CLSTN2: variants seen among roughly 807,000 people sequenced by gnomAD.
The protein encoded by CLSTN2 is calsyntenin-2.
Under a neutral mutation model 101.2 loss-of-function variants are expected in CLSTN2, and 48 were observed. That is an observed-to-expected ratio of 0.47 (90% confidence interval 0.38 to 0.60). CLSTN2 has a LOEUF of 0.60. Ranked by LOEUF, CLSTN2 falls within the 20% of genes least tolerant of loss-of-function variation. The pLI, the probability that CLSTN2 is intolerant of heterozygous loss-of-function variation, is 0.00. For missense variants in CLSTN2, 1,160 were observed against 1,238.2 expected (o/e 0.94, Z 0.95); for synonymous variants, 481 against 463.6 (o/e 1.04, Z -0.48).
chr3:140,227,013 T>C (rs1156247574), intron 2 of CLSTN2, among the ~76,000 whole-genome samples: 2 of 152,100 alleles, frequency 1.3e-5, no homozygotes, highest in Non-Finnish European at 2.9e-5. Flanking sequence ...AACCAAACCA[T>C]ATTATTCTAC....
chr3:140,141,575 C>T (rs1037623756), intron 1 of CLSTN2, among the ~76,000 whole-genome samples: 2 of 152,208 alleles, frequency 1.3e-5, no homozygotes, highest in Non-Finnish European at 2.9e-5. Context: ...CTGGCCAGTA[C>T]AGGGAACAGC....
rs112929053 is a variant in CLSTN2 at position 139,985,215 on chromosome 3, T to C, written c.109+49732T>C. ...CACATTCCTGCTTAAAACCTTCCAA[T>C]GGCTGCACATTGTCCTCTATCTGAA... On this transcript the variant is annotated intron_variant, in intron 1 of 16. Coordinates refer to ENST00000458420, the MANE Select transcript of CLSTN2 (RefSeq NM_022131.3). 7.1e-3 allele frequency among the ~76,000 whole-genome samples: 1,085 copies of C among 152,296 alleles called. 20 individuals carry two copies. Among genetic ancestry groups the C allele is most frequent in the African/African-American group, 0.025 (1,057 of 41,570 alleles).
chr3:140,272,077 G>A (rs1559825196), intron 2 of CLSTN2, among the ~76,000 whole-genome samples: 1 of 152,192 alleles, frequency 6.6e-6, no homozygotes, highest in South Asian at 2.1e-4. Flanking sequence ...TGGAATTGGT[G>A]TGTGTGTGTC....
chr3:139,976,149 T>G (rs1935813298), intron 1 of CLSTN2, among the ~76,000 whole-genome samples: 1 of 152,192 alleles, frequency 6.6e-6, no homozygotes, highest in African/African-American at 2.4e-5. Context: ...AGAGTAGTCA[T>G]AGCTGGCAGA....
intron 8 of CLSTN2, among the ~76,000 whole-genome samples, chr3:140,513,129 A>AACTT (rs1934846889): frequency 6.6e-6 from 1 of 152,082 alleles, no homozygotes; most frequent in Admixed American, 6.6e-5. Context: ...TCCTGGGCCA[A>AACTT]ACTTCCAATA....
chr3:140,118,112 G>A lies in CLSTN2; in HGVS notation c.110-57839G>A, dbSNP rs1293826988. Among the ~76,000 whole-genome samples the A allele has an allele frequency of 2.6e-5, 4 of 151,722 alleles. No individual in the cohort carries two copies. In the East Asian group the frequency reaches 7.8e-4, roughly 29 times the overall value. ...GTGTCTTATAAAAAGAGAAGATTAG[G>A]ACAGACACAGGAAGACCATATAGGG... is the stretch of plus-strand genomic sequence containing the variant. On this transcript the variant is annotated intron_variant, in intron 1 of 16. Transcript: ENST00000458420.
chr3:140,220,354 G>A (rs1001185955), intron 2 of CLSTN2, among the ~76,000 whole-genome samples: 34 of 152,336 alleles, frequency 2.2e-4, no homozygotes, highest in African/African-American at 8.2e-4. Context: ...GGGGCAGAGA[G>A]TGCAAGTTCC....
At chr3:140,537,630 G>A (rs572585369) in intron 9 of CLSTN2, among the ~76,000 whole-genome samples, 6 of 152,312 alleles carry the variant, frequency 3.9e-5, no homozygotes, top group Non-Finnish European at 8.8e-5. Context: ...ACCCAGTGCT[G>A]AGTCAGATCC....
chr3:140,097,683 C>T (rs562188777), intron 1 of CLSTN2, among the ~76,000 whole-genome samples: 183 of 152,256 alleles, frequency 1.2e-3, no homozygotes, highest in Admixed American at 3.1e-3. Context: ...TCTCAACTAG[C>T]GTCAATTGCA....
chr3:140,071,113 T>C (rs1243948017), intron 1 of CLSTN2, among the ~76,000 whole-genome samples: 1 of 152,084 alleles, frequency 6.6e-6, no homozygotes, highest in Non-Finnish European at 1.5e-5. Context: ...AACAGAAAAG[T>C]GCAGAAATAG....
intron 2 of CLSTN2, among the ~76,000 whole-genome samples, chr3:140,261,133 CTA>C (rs2107882929): frequency 6.6e-6 from 1 of 151,712 alleles, no homozygotes; most frequent in East Asian, 1.9e-4. Context: ...TTGGAAATGA[CTA>C]TACATAACCC....
chr3:139,937,419 C>G (rs1935042747), intron 1 of CLSTN2, among the ~76,000 whole-genome samples: 1 of 152,084 alleles, frequency 6.6e-6, no homozygotes, highest in Non-Finnish European at 1.5e-5. Context: ...CGACTTAGAA[C>G]ATATTCATTT....
intron 6 of CLSTN2, among the ~76,000 whole-genome samples, chr3:140,457,380 G>A (rs898062385): frequency 6.6e-6 from 1 of 152,162 alleles, no homozygotes; most frequent in Non-Finnish European, 1.5e-5. Flanking sequence ...CAACTTAATA[G>A]GTCAAAGAAA....
chr3:140,073,364 T>C (rs1345313077), intron 1 of CLSTN2, among the ~76,000 whole-genome samples: 2 of 152,244 alleles, frequency 1.3e-5, no homozygotes, highest in East Asian at 3.9e-4. Context: ...GGATACCCAT[T>C]GAAAATATGC....
At chr3:140,477,628 C>T (rs1042267592) in intron 8 of CLSTN2, among the ~76,000 whole-genome samples, 2 of 152,166 alleles carry the variant, frequency 1.3e-5, no homozygotes, top group African/African-American at 4.8e-5. Flanking sequence ...GAAATTGAGG[C>T]TCTGAAAAAT....
intron 1 of CLSTN2, among the ~76,000 whole-genome samples, chr3:140,088,837 T>C (rs1221795751): frequency 6.6e-6 from 1 of 152,250 alleles, no homozygotes; most frequent in African/African-American, 2.4e-5. Context: ...CAGAATTTCA[T>C]AGTATCTGTC....
intron 2 of CLSTN2, among the ~76,000 whole-genome samples, chr3:140,363,877 C>T (rs2087756215): frequency 6.6e-6 from 1 of 152,174 alleles, no homozygotes; most frequent in Non-Finnish European, 1.5e-5. Flanking sequence ...CAATGGCCAA[C>T]TTAGAGAAAT....
At chr3:140,026,510 T>C (rs1475938274) in intron 1 of CLSTN2, among the ~76,000 whole-genome samples, 1 of 152,214 alleles carries the variant, frequency 6.6e-6, no homozygotes, top group Non-Finnish European at 1.5e-5. Flanking sequence ...TTCCTGTCTC[T>C]GTCATGAAAT....
At chr3:140,399,719 A>C in intron 2 of CLSTN2, among the ~76,000 whole-genome samples, 1 of 151,958 alleles carries the variant, frequency 6.6e-6, no homozygotes. Flanking sequence ...TTCTTTTTCA[A>C]CTTTTATCTT....
Sources: gnomAD v4.1 joint callset for allele counts (sites outside exome capture counted in the v4.1 genomes callset) on GRCh38, gnomAD v4.1.1 for gene constraint, MANE v1.5 for transcripts, NCBI Gene and HGNC (gene_info 2026-07-23, HGNC 2026-07-21) for gene names.